The following ABCG2 variants were observed in gnomAD, a reference collection of about 807,000 sequenced individuals.
The protein encoded by ABCG2 is ATP binding cassette subfamily G member 2 (JR blood group).
ABCG2 carries 80 observed loss-of-function variants against 73.5 expected under a neutral mutation model. The observed-to-expected ratio is 1.09, with a 90% CI of 0.91 to 1.31. The LOEUF is 1.31. ABCG2 is among the 50% of genes most tolerant of loss of function. ABCG2 has a pLI of 0.00. For synonymous variants in ABCG2, 269 were observed against 282.4 expected (o/e 0.95, Z 0.48); for missense variants, 796 against 786.2 (o/e 1.01, Z -0.15).
intron 10 of ABCG2, among the ~76,000 whole-genome samples, chr4:88,101,719 G>C (rs1169591445): frequency 1.3e-5 from 2 of 151,950 alleles, no homozygotes; most frequent in Non-Finnish European, 2.9e-5. Flanking sequence ...AGACACCAGA[G>C]CTCTTGCTCT....
intron 2 of ABCG2, among the ~76,000 whole-genome samples, chr4:88,136,255 C>T (rs946951824): frequency 6.6e-5 from 10 of 151,654 alleles, no homozygotes; most frequent in African/African-American, 2.4e-4. Context: ...TGTGTGTAGA[C>T]GTATACACAT....
intron 1 of ABCG2, among the ~76,000 whole-genome samples, chr4:88,156,370 CAAAAA>C (rs56029010): frequency 2.9e-5 from 2 of 69,092 alleles, no homozygotes; most frequent in Non-Finnish European, 5.1e-5. Context: ...GACTCCGTCT[CAAAAA>C]AAAAAAAAAA....
intron 1 of ABCG2, among the ~76,000 whole-genome samples, chr4:88,197,200 A>C (rs969020951): frequency 6.6e-6 from 1 of 151,918 alleles, no homozygotes; most frequent in African/African-American, 2.4e-5. Flanking sequence ...TCAACAACAA[A>C]AAAAAAAAAA....
chr4:88,166,337 A>G (rs1456889571), intron 1 of ABCG2, among the ~76,000 whole-genome samples: 5 of 152,054 alleles, frequency 3.3e-5, no homozygotes, highest in African/African-American at 9.7e-5. Flanking sequence ...CTAAAAGCCC[A>G]TTTGTCTTTC....
chr4:88,229,053 C>T (rs538432085), intron 1 of ABCG2, among the ~76,000 whole-genome samples: 21 of 152,334 alleles, frequency 1.4e-4, no homozygotes, highest in Non-Finnish European at 1.9e-4. Context: ...CAGTGGCAAC[C>T]GCTTGGGTCC....
Position 88,131,798 on chromosome 4 carries a change from CTT to C in ABCG2, c.378+3_378+4del, listed in dbSNP as rs1724895621. 3.7e-6 allele frequency: 6 copies of C among 1,609,730 alleles called. No individual in the cohort carries two copies. Among genetic ancestry groups the C allele is most frequent in the Non-Finnish European group, 5.1e-6 (6 of 1,177,330 alleles). On this transcript the variant is annotated splice_donor_region_variant and intron_variant, in intron 4 of 15. Transcript: ENST00000237612. The stretch of plus-strand genomic sequence containing the variant: ...AACAGAAAATGCAAACCCACTAATA[CTT>C]ACTTGTACCACGTAACCTGAATTAC...
intron 1 of ABCG2, among the ~76,000 whole-genome samples, chr4:88,146,541 CCCA>C (rs989669089): frequency 5.3e-5 from 8 of 151,914 alleles, no homozygotes; most frequent in African/African-American, 1.7e-4. Context: ...ACTACAGGCG[CCCA>C]CCACCACACT....
At chr4:88,145,936 A>G (rs189357267) in intron 1 of ABCG2, among the ~76,000 whole-genome samples, 23 of 152,238 alleles carry the variant, frequency 1.5e-4, no homozygotes, top group African/African-American at 4.8e-4. Flanking sequence ...CCCTGTCTCA[A>G]TAAATAAATA....
intron 1 of ABCG2, among the ~76,000 whole-genome samples, chr4:88,197,498 G>T (rs1416954318): frequency 6.6e-6 from 1 of 151,648 alleles, no homozygotes; most frequent in East Asian, 1.9e-4. Flanking sequence ...TACCTGTAGT[G>T]CTAGCTACTC....
chr4:88,092,649 A>T (rs1461725182), intron 15 of ABCG2, among the ~76,000 whole-genome samples: 1 of 152,250 alleles, frequency 6.6e-6, no homozygotes, highest in Non-Finnish European at 1.5e-5. Flanking sequence ...CGTTTAAGGA[A>T]CTTGACCAGG....
chr4:88,181,765 C>T (rs1314910937), intron 1 of ABCG2, among the ~76,000 whole-genome samples: 2 of 151,820 alleles, frequency 1.3e-5, no homozygotes, highest in African/African-American at 4.8e-5. Flanking sequence ...CTCATAGTAA[C>T]CTCAGATCAA....
At chr4:88,119,117 G>A (rs1013306596) in intron 6 of ABCG2, among the ~76,000 whole-genome samples, 1 of 152,120 alleles carries the variant, frequency 6.6e-6, no homozygotes, top group Non-Finnish European at 1.5e-5. Flanking sequence ...TGTTCTCGTG[G>A]TACTGAAAAA....
chr4:88,209,190 A>G (rs958830176), intron 1 of ABCG2, among the ~76,000 whole-genome samples: 2 of 150,952 alleles, frequency 1.3e-5, no homozygotes. Context: ...CACACCTACA[A>G]TTCTAGCTAC....
intron 6 of ABCG2, among the ~76,000 whole-genome samples, chr4:88,119,176 C>G (rs1164014909): frequency 6.6e-6 from 1 of 152,248 alleles, no homozygotes; most frequent in African/African-American, 2.4e-5. Context: ...CCTGCACAAG[C>G]TCTCTTGCCT....
rs557935020 is a variant in ABCG2, at chr4:88,090,365, T to C, written c.*1869A>G. 1.3e-5 allele frequency: 2 copies of C among 152,234 alleles called. No homozygotes were observed. The highest frequency in any genetic ancestry group is 4.8e-5 in the African/African-American group (2 of 41,532). 9.4% of individuals were successfully genotyped at this position (152,234 alleles called of 1,614,324 possible). ...TGTAAAAAGTATAGATAGATATTTC[T>C]CTCTGTGTAATAAGGGAAGGGTATA... On this transcript the variant is annotated 3_prime_UTR_variant, in exon 16 of 16. Coordinates refer to ENST00000237612, the MANE Select transcript of ABCG2 (RefSeq NM_004827.3).
At chr4:88,211,717 G>A (rs574983044) in intron 1 of ABCG2, among the ~76,000 whole-genome samples, 7 of 152,104 alleles carry the variant, frequency 4.6e-5, no homozygotes, top group Non-Finnish European at 8.8e-5. Context: ...GTGCCCGGCC[G>A]AGAACTCTTT....
rs1206277738 is a variant in ABCG2 at position 88,193,173 on chromosome 4, TA to T, written c.-20+37820del. 2.0e-5 allele frequency among the ~76,000 whole-genome samples: 3 copies of T among 152,182 alleles called. No homozygotes were observed. In the East Asian group the frequency reaches 5.8e-4, roughly 29 times the overall value. On this transcript the variant is annotated intron_variant, in intron 1 of 15. Coordinates refer to the ABCG2 transcript ENST00000515655. The stretch of plus-strand genomic sequence containing the variant: ...TGAAGTTTAACATATTGGGAACATA[TA>T]TGTTAACTTGTGCTATTTTTATTGG...
chr4:88,163,923 A>C (rs1171140771), upstream of ABCG2: 1 of 155,958 alleles, frequency 6.4e-6, no homozygotes, highest in African/African-American at 2.4e-5. Context: ...TATACTTGTT[A>C]CCATTTTCAA....
chr4:88,134,497 A>G (rs1725112523), intron 2 of ABCG2, among the ~76,000 whole-genome samples: 1 of 152,192 alleles, frequency 6.6e-6, no homozygotes, highest in Non-Finnish European at 1.5e-5. Flanking sequence ...CATACTAATG[A>G]TTGGGCAAAT....
Sources: gnomAD v4.1 joint callset for allele counts (sites outside exome capture counted in the v4.1 genomes callset) on GRCh38, gnomAD v4.1.1 for gene constraint, MANE v1.5 for transcripts, NCBI Gene and HGNC (gene_info 2026-07-23, HGNC 2026-07-21) for gene names.